TMA16: variants seen among roughly 807,000 people sequenced by gnomAD.
The protein encoded by TMA16 is translation machinery associated 16 homolog, also known as translation machinery-associated protein 16.
A neutral mutation model predicts 27.1 loss-of-function variants in TMA16; 26 were observed. The ratio of observed to expected loss-of-function variants is 0.96; its 90% CI spans 0.70 to 1.33. The LOEUF is 1.33. Among genes scored for constraint, TMA16 ranks in the 40% most tolerant of loss-of-function variants. TMA16 has a pLI of 0.00. For synonymous variants in TMA16, 71 were observed against 81.9 expected (o/e 0.87, Z 0.72); for missense variants, 233 against 241.4 (o/e 0.97, Z 0.23).
At chr4:163,519,032 TTC>T (rs1235724243) in intron 6 of TMA16, among the ~76,000 whole-genome samples, 1 of 152,120 alleles carries the variant, frequency 6.6e-6, no homozygotes, top group African/African-American at 2.4e-5. Flanking sequence ...TGGGATGTAC[TTC>T]TGTGTGTGAA....
chr4:163,506,129 T>C (rs986753949), intron 1 of TMA16, among the ~76,000 whole-genome samples: 1 of 152,280 alleles, frequency 6.6e-6, no homozygotes, highest in Non-Finnish European at 1.5e-5. Context: ...AAAAAGGGGA[T>C]GTACCTTCAG....
intron 1 of TMA16, among the ~76,000 whole-genome samples, chr4:163,502,324 T>G (rs1451238120): frequency 1.3e-5 from 2 of 152,162 alleles, no homozygotes. Context: ...AAGAACATAC[T>G]TAATATTTTT....
At chr4:163,511,768 T>C (rs1737803700) in intron 2 of TMA16, among the ~76,000 whole-genome samples, 1 of 152,092 alleles carries the variant, frequency 6.6e-6, no homozygotes, top group Admixed American at 6.6e-5. Context: ...GAGGCTGTGG[T>C]GAGCAATGAC....
At chr4:163,512,752 T>A in intron 2 of TMA16, 70 bp from the exon 3 acceptor site, 2 of 1,183,010 alleles carry the variant, frequency 1.7e-6, no homozygotes, top group Non-Finnish European at 2.4e-6. Flanking sequence ...TTTCTTTTCG[T>A]TGTTATTGTC....
intron 1 of TMA16, among the ~76,000 whole-genome samples, chr4:163,498,860 G>A (rs766746057): frequency 1.4e-4 from 22 of 151,980 alleles, no homozygotes; most frequent in Non-Finnish European, 3.2e-4. Flanking sequence ...GTCTCACTAT[G>A]TTGTCCAGGC....
chr4:163,516,869 T>C (rs9917981), intron 5 of TMA16, among the ~76,000 whole-genome samples: 4,902 of 152,270 alleles, frequency 0.032, 204 homozygotes, highest in African/African-American at 0.099. Flanking sequence ...TTTGAAAACA[T>C]TGTACTTTTC....
At chr4:163,498,052 A>C (rs1397927205) in intron 1 of TMA16, among the ~76,000 whole-genome samples, 1 of 152,018 alleles carries the variant, frequency 6.6e-6, no homozygotes. Context: ...GTCTTACCTG[A>C]TCTTATAGAT....
chr4:163,497,187 C>T (rs947355353), intron 1 of TMA16, among the ~76,000 whole-genome samples: 10 of 152,178 alleles, frequency 6.6e-5, no homozygotes, highest in Non-Finnish European at 1.2e-4. Context: ...TTGGGGACTA[C>T]ATCTATAAAT....
At chr4:163,499,780 C>A (rs1737618056) in intron 1 of TMA16, among the ~76,000 whole-genome samples, 1 of 151,156 alleles carries the variant, frequency 6.6e-6, no homozygotes, top group African/African-American at 2.4e-5. Context: ...TATTTTCTGT[C>A]CTCTGTTGGT....
rs1343946741 is a variant in TMA16 at position 163,507,146 on chromosome 4, G to A, written c.116+1G>A. On this transcript the variant is annotated splice_donor_variant, in intron 2 of 6. Transcript: ENST00000358572. LOFTEE classifies it high-confidence loss of function. ...CCCACAAACAAGAAAAAAAGGAAAA[G>A]TAAGTATCTTTTCATCATTTGTATT... 6.4e-6 allele frequency: 10 copies of A among 1,565,302 alleles called. No homozygotes were observed. The highest frequency in any genetic ancestry group is 5.2e-6 in the Non-Finnish European group (6 of 1,153,382).
intron 1 of TMA16, among the ~76,000 whole-genome samples, chr4:163,500,618 A>G (rs548453020): frequency 8.5e-4 from 130 of 152,314 alleles, no homozygotes; most frequent in Non-Finnish European, 1.3e-3. Context: ...TTCTTGCTGT[A>G]TAACTTTGTC....
intron 1 of TMA16, among the ~76,000 whole-genome samples, chr4:163,503,512 T>G (rs1360302087): frequency 6.6e-6 from 1 of 152,208 alleles, no homozygotes. Context: ...TTAACAGGAA[T>G]ATTTAAAGCG....
chr4:163,511,622 G>C (rs1382908825), intron 2 of TMA16, among the ~76,000 whole-genome samples: 2 of 151,412 alleles, frequency 1.3e-5, no homozygotes, highest in Admixed American at 6.6e-5. Flanking sequence ...ACGAGCCTGG[G>C]TGACACAGTG....
Position 163,517,425 on chromosome 4 carries a change from C to T in TMA16, c.389-9C>T. On this transcript the variant is annotated splice_polypyrimidine_tract_variant and intron_variant, in intron 5 of 6. Coordinates refer to ENST00000358572, the MANE Select transcript of TMA16 (RefSeq NM_018352.3). ...TTGCCTCATGGAGATAAATTACTTT[C>T]TTTTCCAGAGATTCCAGACATTCTA... 1 of 1,610,790 alleles carries T rather than the reference C, an allele frequency of 6.2e-7. No individual in the cohort carries two copies. The highest frequency in any genetic ancestry group is 1.1e-5 in the South Asian group (1 of 90,554).
intron 5 of TMA16, 111 bp from the exon 6 acceptor site, chr4:163,517,323 G>A (rs975955028): frequency 7.5e-6 from 8 of 1,073,392 alleles, no homozygotes; most frequent in East Asian, 2.6e-5. Context: ...GCAATACTTC[G>A]AAATTTTGTT....
chr4:163,505,695 T>A (rs1737709938), intron 1 of TMA16, among the ~76,000 whole-genome samples: 1 of 152,180 alleles, frequency 6.6e-6, no homozygotes, highest in South Asian at 2.1e-4. Flanking sequence ...AGGTTGGGGC[T>A]AGATTGTTTC....
intron 3 of TMA16, 102 bp downstream of exon 3, chr4:163,512,961 A>G (rs1737819839): frequency 3.5e-6 from 3 of 854,266 alleles, no homozygotes; most frequent in Non-Finnish European, 5.4e-6. Flanking sequence ...TGTTTTTATC[A>G]AAGTGAATTT....
At position 163,508,453 on chromosome 4, in the gene TMA16, A is replaced by G. The variant is rs192351836; in HGVS notation, c.116+1308A>G. On this transcript the variant is annotated intron_variant, in intron 2 of 6. Coordinates refer to ENST00000358572, the MANE Select transcript of TMA16 (RefSeq NM_018352.3). ...TTAAGTACCATTTTTTAAAAAGGAG[A>G]TATTTTTTCTCTCTTAAAATCAAAT... Among the ~76,000 whole-genome samples the G allele has an allele frequency of 7.2e-4, 109 of 152,160 alleles. 1 individual carries two copies. Among genetic ancestry groups the G allele is most frequent in the African/African-American group, 2.6e-3 (108 of 41,514 alleles).
In TMA16 at chr4:163,494,782, G is replaced by A; in HGVS notation, c.-20G>A. ...TGGGTCTAGAGTGCGGAGCTGCTCC[G>A]TGGCCACGAGGACGTCACCATGGTG... On this transcript the variant is annotated 5_prime_UTR_variant, in exon 1 of 7. In the 5' UTR this introduces an upstream ATG that the reference lacks. Transcript: ENST00000358572. 2 of 1,612,828 alleles carry A rather than the reference G, an allele frequency of 1.2e-6. No individual in the cohort carries two copies. Among genetic ancestry groups the A allele is most frequent in the Non-Finnish European group, 1.7e-6 (2 of 1,180,026 alleles).
Sources: allele counts gnomAD v4.1 joint callset (sites outside exome capture counted in the v4.1 genomes callset), GRCh38; gene constraint gnomAD v4.1.1; transcripts MANE v1.5; gene names NCBI Gene and HGNC (gene_info 2026-07-23, HGNC 2026-07-21).